Variants in COX10 observed in about 807,000 individuals in gnomAD.
COX10 encodes cytochrome c oxidase assembly factor heme A:farnesyltransferase COX10.
COX10 carries 27 observed loss-of-function variants against 37.3 expected under a neutral mutation model. The observed-to-expected ratio is 0.72, with a 90% CI of 0.53 to 1.00. The LOEUF (loss-of-function observed/expected upper bound fraction) is 1.00, where lower values mean the gene tolerates loss of function less well. Ranked by LOEUF, COX10 falls within the 50% of genes least tolerant of loss-of-function variation. COX10 has a pLI of 0.00. For missense variants in COX10, 475 were observed against 563.2 expected (o/e 0.84, Z 1.59); for synonymous variants, 222 against 229.1 (o/e 0.97, Z 0.28).
intron 4 of COX10, among the ~76,000 whole-genome samples, chr17:14,104,987 G>GC (rs754112782): frequency 3.9e-5 from 6 of 152,138 alleles, no homozygotes; most frequent in African/African-American, 7.2e-5. Context: ...GAATTTTGCA[G>GC]CTGAAAGATA....
At chr17:14,116,820 C>A (rs1174555548) in intron 4 of COX10, among the ~76,000 whole-genome samples, 4 of 152,178 alleles carry the variant, frequency 2.6e-5, no homozygotes, top group Non-Finnish European at 5.9e-5. Flanking sequence ...TCTACCTTCT[C>A]CTTCTACAGC....
At chr17:14,083,275 C>A (rs1279035387) in intron 3 of COX10, among the ~76,000 whole-genome samples, 7 of 152,146 alleles carry the variant, frequency 4.6e-5, no homozygotes, top group Admixed American at 4.6e-4. Flanking sequence ...TTTGGGTGAC[C>A]CCTACCCTTT....
At chr17:14,118,618 G>A (rs1176552487) in intron 4 of COX10, among the ~76,000 whole-genome samples, 1 of 152,094 alleles carries the variant, frequency 6.6e-6, no homozygotes, top group Non-Finnish European at 1.5e-5. Context: ...GTTAAATGTA[G>A]AAATCAATGT....
intron 5 of COX10, among the ~76,000 whole-genome samples, chr17:14,184,455 A>G (rs1039129981): frequency 1.3e-5 from 2 of 152,190 alleles, no homozygotes; most frequent in Non-Finnish European, 2.9e-5. Context: ...ATCCCAACAG[A>G]TGGAATAGTA....
At chr17:14,152,654 G>A (rs1904937835) in intron 4 of COX10, among the ~76,000 whole-genome samples, 1 of 152,172 alleles carries the variant, frequency 6.6e-6, no homozygotes, top group Non-Finnish European at 1.5e-5. Flanking sequence ...AAGTAGAAGA[G>A]AGCAAGAACA....
Position 14,087,970 on chromosome 17 carries a change from G to A in COX10, c.499+10914G>A, listed in dbSNP as rs115421828. Among the ~76,000 whole-genome samples, 1,196 of 152,122 alleles carry A rather than the reference G, an allele frequency of 7.9e-3. 16 individuals are homozygous for A. The highest frequency in any genetic ancestry group is 0.028 in the African/African-American group (1,145 of 41,488). ...AGGCCCTGCTTTCTCATTTTGGCAC[G>A]ACCCTCTACCCCTTTCAGTCCCTCT... On this transcript the variant is annotated intron_variant, in intron 3 of 6. Coordinates refer to ENST00000261643, the MANE Select transcript of COX10 (RefSeq NM_001303.4).
At chr17:14,155,951 A>G (rs1255343967) in intron 4 of COX10, among the ~76,000 whole-genome samples, 1 of 151,834 alleles carries the variant, frequency 6.6e-6, no homozygotes, top group African/African-American at 2.4e-5. Context: ...TCCAAAATAC[A>G]CCTCGTACAC....
chr17:14,092,213 T>C (rs540802693), intron 3 of COX10, among the ~76,000 whole-genome samples: 1 of 152,156 alleles, frequency 6.6e-6, no homozygotes, highest in African/African-American at 2.4e-5. Flanking sequence ...TCAAGCCCGA[T>C]AGATACTTCA....
intron 4 of COX10, among the ~76,000 whole-genome samples, chr17:14,127,714 T>C (rs560703068): frequency 6.6e-6 from 1 of 152,288 alleles, no homozygotes; most frequent in African/African-American, 2.4e-5. Flanking sequence ...ATATTGTTAC[T>C]CTGTCTTTTT....
At chr17:14,184,301 A>C (rs991233670) in intron 5 of COX10, among the ~76,000 whole-genome samples, 1 of 152,204 alleles carries the variant, frequency 6.6e-6, no homozygotes, top group African/African-American at 2.4e-5. Context: ...CTTTTAAATA[A>C]CTAGTTAACT....
intron 4 of COX10, among the ~76,000 whole-genome samples, chr17:14,155,437 C>T (rs1465288818): frequency 4.0e-5 from 6 of 151,746 alleles, no homozygotes; most frequent in South Asian, 4.2e-4. Flanking sequence ...AGAGTGAGGC[C>T]GGGCACGGTG....
At chr17:14,135,555 C>T (rs1904336827) in intron 4 of COX10, among the ~76,000 whole-genome samples, 1 of 151,812 alleles carries the variant, frequency 6.6e-6, no homozygotes, top group African/African-American at 2.4e-5. Flanking sequence ...GATTTTGATG[C>T]AGATGAACCC....
chr17:14,092,324 G>C (rs955056784), intron 3 of COX10, among the ~76,000 whole-genome samples: 1 of 152,064 alleles, frequency 6.6e-6, no homozygotes, highest in African/African-American at 2.4e-5. Flanking sequence ...AATCAGTATT[G>C]CTTAGTAAAT....
chr17:14,127,765 T>A (rs1916376221), intron 4 of COX10, among the ~76,000 whole-genome samples: 1 of 152,192 alleles, frequency 6.6e-6, no homozygotes, highest in Admixed American at 6.5e-5. Flanking sequence ...CCTACTTAGA[T>A]GTCCTTTTAT....
chr17:14,117,964 G>A (rs116824411), intron 4 of COX10, among the ~76,000 whole-genome samples: 3,165 of 151,986 alleles, frequency 0.021, 114 homozygotes, highest in African/African-American at 0.072. Flanking sequence ...GAAGGTGGTC[G>A]TCTCCCGGAG....
intron 1 of COX10, among the ~76,000 whole-genome samples, chr17:14,070,642 C>T (rs1247028120): frequency 1.3e-5 from 2 of 152,220 alleles, no homozygotes; most frequent in Non-Finnish European, 2.9e-5. Flanking sequence ...CAGGGACTGC[C>T]TTTTGATCAC....
In COX10 at chr17:14,134,438, C is replaced by A. The variant is rs191027756; in HGVS notation, c.625-25439C>A. ...CTGGAAAAAATTAACTGAGTTCTTA[C>A]AAGTATTTTAATGGTTGTTCACATT... On this transcript the variant is annotated intron_variant, in intron 4 of 6. Transcript: ENST00000261643. Among the ~76,000 whole-genome samples, 25 of 151,744 alleles carry A rather than the reference C, an allele frequency of 1.6e-4. No homozygotes were observed. In the East Asian group the frequency reaches 4.6e-3, roughly 28 times the overall value.
intron 4 of COX10, among the ~76,000 whole-genome samples, chr17:14,143,612 T>G (rs1904614512): frequency 6.6e-6 from 1 of 151,952 alleles, no homozygotes; most frequent in Non-Finnish European, 1.5e-5. Flanking sequence ...ACCAAATCAC[T>G]TCTCTTGTCA....
At chr17:14,157,968 T>A (rs1233811911) in intron 4 of COX10, among the ~76,000 whole-genome samples, 2 of 152,144 alleles carry the variant, frequency 1.3e-5, no homozygotes, top group Non-Finnish European at 2.9e-5. Flanking sequence ...GTGGTTATCA[T>A]TATTGGTATG....
Sources: gnomAD v4.1 joint callset for allele counts (sites outside exome capture counted in the v4.1 genomes callset) on GRCh38, gnomAD v4.1.1 for gene constraint, MANE v1.5 for transcripts, NCBI Gene and HGNC (gene_info 2026-07-23, HGNC 2026-07-21) for gene names.